ZFHX3: variants seen among roughly 807,000 people sequenced by gnomAD.
ZFHX3 encodes zinc finger homeobox protein 3.
Under a neutral mutation model 279.1 loss-of-function variants are expected in ZFHX3, and 42 were observed. That is an observed-to-expected ratio of 0.15 (90% CI 0.12 to 0.19). The LOEUF is 0.19. ZFHX3 is among the 10% of genes least tolerant of loss of function. ZFHX3 has a pLI of 1.00. For synonymous variants in ZFHX3, 2,293 were observed against 1,957.8 expected (o/e 1.17, Z -4.52); for missense variants, 4,981 against 4,754.0 (o/e 1.05, Z -1.40).
At chr16:73,319,115 G>T (rs570720793) in intron 3 of ZFHX3, among the ~76,000 whole-genome samples, 17 of 151,930 alleles carry the variant, frequency 1.1e-4, no homozygotes, top group East Asian at 3.9e-4. Context: ...TGTGGAATGG[G>T]GGGGGCAGAG....
intron 3 of ZFHX3, among the ~76,000 whole-genome samples, chr16:73,340,948 A>T (rs941658599): frequency 6.6e-6 from 1 of 152,248 alleles, no homozygotes; most frequent in Non-Finnish European, 1.5e-5. Flanking sequence ...TGAAAAAAAC[A>T]TCATAAGCAA....
chr16:73,569,372 A>G (rs2143803450), intron 2 of ZFHX3, among the ~76,000 whole-genome samples: 1 of 150,772 alleles, frequency 6.6e-6, no homozygotes, highest in East Asian at 1.9e-4. Context: ...TCCTATTAAG[A>G]TCATGGCTGC....
At chr16:73,475,166 T>C (rs2018743419) in intron 2 of ZFHX3, among the ~76,000 whole-genome samples, 1 of 152,208 alleles carries the variant, frequency 6.6e-6, no homozygotes, top group Non-Finnish European at 1.5e-5. Flanking sequence ...TCTCACATTT[T>C]TGAGAATAAA....
At chr16:73,231,385 C>A (rs2144930929) in intron 5 of ZFHX3, among the ~76,000 whole-genome samples, 1 of 152,308 alleles carries the variant, frequency 6.6e-6, no homozygotes, top group Non-Finnish European at 1.5e-5. Context: ...GGGAGCTTAG[C>A]TGAACTGCTC....
At chr16:73,870,210 G>T (rs1166447618) in intron 1 of ZFHX3, among the ~76,000 whole-genome samples, 1 of 152,180 alleles carries the variant, frequency 6.6e-6, no homozygotes, top group Non-Finnish European at 1.5e-5. Context: ...TTTGCTGTTT[G>T]CATTGTGTGC....
At chr16:72,886,766 G>A (rs1463834359) in intron 4 of ZFHX3, among the ~76,000 whole-genome samples, 1 of 152,184 alleles carries the variant, frequency 6.6e-6, no homozygotes, top group Non-Finnish European at 1.5e-5. Flanking sequence ...CTAATGCAGA[G>A]CAGCGGATCA....
intron 2 of ZFHX3, among the ~76,000 whole-genome samples, chr16:73,622,629 T>A (rs530557538): frequency 1.2e-4 from 19 of 152,250 alleles, no homozygotes. Flanking sequence ...TTACTTAAAA[T>A]GAGAAAATCA....
At chr16:73,488,197 C>A (rs2019005509) in intron 2 of ZFHX3, among the ~76,000 whole-genome samples, 1 of 152,186 alleles carries the variant, frequency 6.6e-6, no homozygotes, top group Non-Finnish European at 1.5e-5. Context: ...AATGTAAGAG[C>A]TGCAAACACT....
At chr16:73,338,086 T>C (rs924817550) in intron 3 of ZFHX3, among the ~76,000 whole-genome samples, 1 of 152,202 alleles carries the variant, frequency 6.6e-6, no homozygotes, top group Non-Finnish European at 1.5e-5. Flanking sequence ...ACCCTACGTC[T>C]GATAAACTAA....
chr16:73,805,715 T>A (rs1165003003), intron 1 of ZFHX3, among the ~76,000 whole-genome samples: 1 of 152,216 alleles, frequency 6.6e-6, no homozygotes, highest in Non-Finnish European at 1.5e-5. Flanking sequence ...TTAAAATCCC[T>A]GCCCTTCTAG....
chr16:73,616,829 G>A (rs1049993290), intron 2 of ZFHX3, among the ~76,000 whole-genome samples: 2 of 152,108 alleles, frequency 1.3e-5, no homozygotes, highest in Admixed American at 1.3e-4. Context: ...CATTTCTAAC[G>A]TACATTCCTC....
At chr16:73,075,344 G>A (rs919077298) in intron 8 of ZFHX3, among the ~76,000 whole-genome samples, 13 of 151,676 alleles carry the variant, frequency 8.6e-5, no homozygotes, top group Admixed American at 2.0e-4. Flanking sequence ...AGGGAGGGAG[G>A]GAGAGGGGAC....
chr16:73,762,426 T>G (rs750218574), intron 1 of ZFHX3, among the ~76,000 whole-genome samples: 1 of 152,196 alleles, frequency 6.6e-6, no homozygotes, highest in Non-Finnish European at 1.5e-5. Context: ...TGGCGATTCC[T>G]TAAAGATCTA....
chr16:72,810,077 G>T (rs928156687), intron 7 of ZFHX3, among the ~76,000 whole-genome samples: 1 of 151,838 alleles, frequency 6.6e-6, no homozygotes, highest in Admixed American at 6.6e-5. Flanking sequence ...GTAGAGACAG[G>T]GTTTCACCGT....
At chr16:72,790,449 A>G (rs1252919220) in intron 9 of ZFHX3, 1 of 152,248 alleles carries the variant, frequency 6.6e-6, no homozygotes, top group Non-Finnish European at 1.5e-5. Flanking sequence ...AGGAAAAAAA[A>G]GCAAGAAAAA....
At chr16:73,286,952 G>A (rs1356669394) in intron 4 of ZFHX3, among the ~76,000 whole-genome samples, 1 of 150,616 alleles carries the variant, frequency 6.6e-6, no homozygotes, top group Non-Finnish European at 1.5e-5. Context: ...ATGTGGGCCA[G>A]TGTGTGGCTG....
chr16:72,968,431 G>A (rs1334656657), intron 1 of ZFHX3, among the ~76,000 whole-genome samples: 2 of 151,494 alleles, frequency 1.3e-5, no homozygotes. Flanking sequence ...TTGTAGATGG[G>A]CTAATAGTGG....
At position 73,046,935 on chromosome 16, in the gene ZFHX3, C is replaced by A. The variant is rs867232075; in HGVS notation, c.-50+817G>T. 2.7e-4 allele frequency among the ~76,000 whole-genome samples: 41 copies of A among 152,254 alleles called. 1 individual carries two copies. In the Middle Eastern group the frequency reaches 0.01, roughly 38 times the overall value. ...GATGACCCTCCTGGATTCACCTGCT[C>A]ACGGCTTTCACTTAAGCCAGTTTAA... On this transcript the variant is annotated intron_variant, in intron 1 of 9. Transcript: ENST00000268489.
intron 3 of ZFHX3, among the ~76,000 whole-genome samples, chr16:72,947,462 G>C (rs779976395): frequency 1.3e-5 from 2 of 152,222 alleles, no homozygotes; most frequent in Non-Finnish European, 2.9e-5. Context: ...AGTGACTCCG[G>C]CCCAGGGTGA....
Sources: allele counts gnomAD v4.1 joint callset (sites outside exome capture counted in the v4.1 genomes callset), GRCh38; gene constraint gnomAD v4.1.1; transcripts MANE v1.5; gene names NCBI Gene and HGNC (gene_info 2026-07-23, HGNC 2026-07-21).